Variants in AKAP12 observed in about 807,000 individuals in gnomAD.
AKAP12 encodes the protein A-kinase anchor protein 12.
In AKAP12, 32 loss-of-function variants were observed where a neutral mutation model predicts 79.9. That is an observed-to-expected ratio of 0.40 (90% CI 0.30 to 0.54). The LOEUF (loss-of-function observed/expected upper bound fraction) is 0.54. Ranked by LOEUF, AKAP12 falls within the 20% of genes least tolerant of loss-of-function variation. AKAP12 has a pLI of 0.48. For missense variants in AKAP12, 2,074 were observed against 2,177.0 expected, an observed-to-expected ratio of 0.95 and a Z score of 0.94; for synonymous variants, 808 against 857.0, an observed-to-expected ratio of 0.94 and a Z score of 1.00.
intron 2 of AKAP12, among the ~76,000 whole-genome samples, chr6:151,268,945 GTTTT>G (rs558502756): frequency 0.073 from 5,400 of 73,628 alleles, 64 homozygotes; most frequent in African/African-American, 0.091. Flanking sequence ...TGCTCGGCCT[GTTTT>G]TTTTTTTTTT....
In AKAP12 at chr6:151,355,904, G is replaced by C. The variant is rs552860191; in HGVS notation, c.*190G>C. The C allele has an allele frequency of 6.6e-6, 1 of 152,608 alleles. No homozygotes were observed. The highest frequency in any genetic ancestry group is 1.5e-5 in the Non-Finnish European group (1 of 68,044). The allele number at this position is 152,608 out of a possible 1,614,324, so 9.5% of individuals were successfully genotyped here. Reference sequence around the variant, plus strand: ...AATCCTGAGGCTTCATCAGGAGCTAGAGCCATTTAACATTTCCTCTTTCCA... The same window carrying C: ...AATCCTGAGGCTTCATCAGGAGCTACAGCCATTTAACATTTCCTCTTTCCA... On this transcript the variant is annotated 3_prime_UTR_variant, in exon 5 of 5. Transcript: ENST00000402676.
chr6:151,355,027 ACT>A (rs2114836341), intron 4 of AKAP12, among the ~76,000 whole-genome samples: 1 of 151,422 alleles, frequency 6.6e-6, no homozygotes, highest in South Asian at 2.1e-4. Flanking sequence ...ACAGAGTCTC[ACT>A]CTGTCACCCC....
chr6:151,358,434 A>T lies in AKAP12; in HGVS notation c.*2720A>T, dbSNP rs1211890713. On this transcript the variant is annotated 3_prime_UTR_variant, in exon 5 of 5. Transcript: ENST00000402676. Reference sequence around the variant, plus strand: ...GCTGGAAATTTTAGTTTTCAATATAAGCTTCCAGCTTAGCAATTACCTCTA... The same window carrying T: ...GCTGGAAATTTTAGTTTTCAATATATGCTTCCAGCTTAGCAATTACCTCTA... The T allele has an allele frequency of 6.6e-6, 1 of 152,240 alleles. No homozygotes were observed. Among genetic ancestry groups the T allele is most frequent in the African/African-American group, 2.4e-5 (1 of 41,466 alleles). The allele number at this position is 152,240 out of a possible 1,614,324, so 9.4% of individuals were successfully genotyped here.
intron 3 of AKAP12, among the ~76,000 whole-genome samples, chr6:151,327,104 C>A (rs1056590040): frequency 6.8e-6 from 1 of 147,662 alleles, no homozygotes; most frequent in African/African-American, 2.6e-5. Context: ...CGTGAGCCAC[C>A]GCACCTGGCC....
At chr6:151,271,156 C>T (rs1776172050) in intron 2 of AKAP12, among the ~76,000 whole-genome samples, 3 of 151,962 alleles carry the variant, frequency 2.0e-5, no homozygotes, top group African/African-American at 7.3e-5. Context: ...ATCTTTTTGC[C>T]ATCTTTGCTT....
At chr6:151,329,123 CT>C (rs5880925) in intron 3 of AKAP12, among the ~76,000 whole-genome samples, 3 of 150,706 alleles carry the variant, frequency 2.0e-5, no homozygotes, top group Non-Finnish European at 3.0e-5. Flanking sequence ...ATAAAAATGC[CT>C]TTTTTTTTGA....
chr6:151,246,141 A>G (rs1387738875), intron 2 of AKAP12, among the ~76,000 whole-genome samples: 1 of 152,188 alleles, frequency 6.6e-6, no homozygotes, highest in Non-Finnish European at 1.5e-5. Context: ...TAACCCGGCA[A>G]GGTGCGGTGG....
At chr6:151,331,243 T>C (rs1777657720) in intron 3 of AKAP12, among the ~76,000 whole-genome samples, 1 of 152,230 alleles carries the variant, frequency 6.6e-6, no homozygotes, top group Non-Finnish European at 1.5e-5. Context: ...ATAGGACTTT[T>C]TTTTTTAACC....
chr6:151,309,106 C>G (rs1323525373), intron 3 of AKAP12, among the ~76,000 whole-genome samples: 3 of 152,166 alleles, frequency 2.0e-5, no homozygotes, highest in African/African-American at 7.2e-5. Context: ...AACTCCTGAC[C>G]TCAGGTGATC....
chr6:151,333,003 C>T (rs564344642), intron 3 of AKAP12, among the ~76,000 whole-genome samples: 1 of 152,200 alleles, frequency 6.6e-6, no homozygotes, highest in East Asian at 1.9e-4. Flanking sequence ...AAAGACCACT[C>T]CAAAATCAGA....
chr6:151,337,200 A>AT (rs1319475138), intron 3 of AKAP12, among the ~76,000 whole-genome samples: 3 of 151,974 alleles, frequency 2.0e-5, no homozygotes, highest in Non-Finnish European at 4.4e-5. Context: ...CTTCCAAGTG[A>AT]TTTTTTAAAA....
chr6:151,327,211 T>C (rs1249309445), intron 3 of AKAP12, among the ~76,000 whole-genome samples: 1 of 151,910 alleles, frequency 6.6e-6, no homozygotes, highest in Non-Finnish European at 1.5e-5. Context: ...TCCAGTGGAA[T>C]TTACAAGAAT....
chr6:151,245,101 T>C (rs186743826), intron 2 of AKAP12, among the ~76,000 whole-genome samples: 91 of 152,326 alleles, frequency 6.0e-4, no homozygotes, highest in Middle Eastern at 3.4e-3. Context: ...TGTTTTGTTT[T>C]TAAAAATGCT....
intron 3 of AKAP12, among the ~76,000 whole-genome samples, chr6:151,311,512 C>G (rs562620243): frequency 2.0e-5 from 3 of 152,214 alleles, no homozygotes; most frequent in South Asian, 4.1e-4. Context: ...TGTGATCACA[C>G]CCCCCACCCC....
chr6:151,268,287 C>G (rs543379692), intron 2 of AKAP12, among the ~76,000 whole-genome samples: 2 of 152,030 alleles, frequency 1.3e-5, no homozygotes, highest in African/African-American at 2.4e-5. Flanking sequence ...CGTGGTGGCA[C>G]GTGCCTGTAA....
intron 2 of AKAP12, among the ~76,000 whole-genome samples, chr6:151,285,683 G>A (rs1776490821): frequency 6.6e-6 from 1 of 152,084 alleles, no homozygotes; most frequent in Admixed American, 6.5e-5. Flanking sequence ...TCATTTGGGT[G>A]AGTTGTGGAG....
chr6:151,285,379 T>C (rs1051058249), intron 2 of AKAP12, among the ~76,000 whole-genome samples: 1 of 126,430 alleles, frequency 7.9e-6, no homozygotes, highest in African/African-American at 3.0e-5. Flanking sequence ...GAGAGCTGCA[T>C]TTCACTGTGT....
chr6:151,259,443 T>G (rs995637306), intron 2 of AKAP12, among the ~76,000 whole-genome samples: 2 of 149,492 alleles, frequency 1.3e-5, no homozygotes, highest in Non-Finnish European at 3.0e-5. Flanking sequence ...TGTATATATG[T>G]GTATATATAT....
At chr6:151,304,928 G>T (rs1462723497) in intron 2 of AKAP12, among the ~76,000 whole-genome samples, 1 of 152,168 alleles carries the variant, frequency 6.6e-6, no homozygotes, top group Non-Finnish European at 1.5e-5. Context: ...CTATGGGGAG[G>T]ATTGCAAATG....
Sources: allele counts gnomAD v4.1 joint callset (sites outside exome capture counted in the v4.1 genomes callset), GRCh38; gene constraint gnomAD v4.1.1; transcripts MANE v1.5; gene names NCBI Gene and HGNC (gene_info 2026-07-23, HGNC 2026-07-21).